JMJD1C: variants seen among roughly 807,000 people sequenced by gnomAD.
JMJD1C encodes jumonji domain containing 1C, also known as jumonji domain-containing protein 1C.
JMJD1C carries 31 observed loss-of-function variants against 245.3 expected under a neutral mutation model. That is an observed-to-expected ratio of 0.13 (90% CI 0.09 to 0.17). The LOEUF is 0.17. Ranked by LOEUF, JMJD1C falls within the 10% of genes least tolerant of loss-of-function variation. The pLI is 1.00. For missense variants in JMJD1C, 2,691 were observed against 3,000.2 expected, an observed-to-expected ratio of 0.90 and a Z score of 2.41; for synonymous variants, 1,057 against 1,017.4, an observed-to-expected ratio of 1.04 and a Z score of -0.74.
intron 3 of JMJD1C, among the ~76,000 whole-genome samples, chr10:63,249,383 A>G (rs1852725589): frequency 1.3e-5 from 2 of 152,186 alleles, no homozygotes; most frequent in South Asian, 4.1e-4. Context: ...GGTGGTTACC[A>G]GAGACCTGTT....
chr10:63,241,934 G>A (rs1173000665), intron 3 of JMJD1C, among the ~76,000 whole-genome samples: 1 of 152,176 alleles, frequency 6.6e-6, no homozygotes, highest in Non-Finnish European at 1.5e-5. Context: ...TCTAAGACAA[G>A]AGGAAAGCAG....
intron 2 of JMJD1C, among the ~76,000 whole-genome samples, chr10:63,346,626 T>C (rs556131628): frequency 5.3e-5 from 8 of 152,322 alleles, no homozygotes; most frequent in Admixed American, 3.3e-4. Flanking sequence ...ATACATCACT[T>C]TTCTTTTTCT....
At chr10:63,432,009 T>G (rs1950787003) in intron 1 of JMJD1C, among the ~76,000 whole-genome samples, 1 of 152,176 alleles carries the variant, frequency 6.6e-6, no homozygotes, top group Non-Finnish European at 1.5e-5. Flanking sequence ...AGACTCCGTC[T>G]GAAAAGAAAA....
At chr10:63,512,458 A>G (rs1031634385) in intron 1 of JMJD1C, among the ~76,000 whole-genome samples, 2 of 152,162 alleles carry the variant, frequency 1.3e-5, no homozygotes, top group East Asian at 3.8e-4. Context: ...GTAACACAAC[A>G]TGGCAGGATA....
chr10:63,442,513 T>C (rs1442073424), intron 1 of JMJD1C, among the ~76,000 whole-genome samples: 1 of 152,228 alleles, frequency 6.6e-6, no homozygotes, highest in African/African-American at 2.4e-5. Flanking sequence ...CAGCAGAATG[T>C]TATGTATTTA....
chr10:63,171,997 C>A (rs1842414284), intron 24 of JMJD1C, among the ~76,000 whole-genome samples: 1 of 152,296 alleles, frequency 6.6e-6, no homozygotes, highest in East Asian at 1.9e-4. Context: ...ATCCTTTCAA[C>A]AGAGTATAAA....
chr10:63,224,632 T>C (rs1171529545), intron 3 of JMJD1C, among the ~76,000 whole-genome samples: 1 of 152,200 alleles, frequency 6.6e-6, no homozygotes, highest in Non-Finnish European at 1.5e-5. Context: ...TGCTAAATGT[T>C]AGACAGAAGT....
intron 1 of JMJD1C, among the ~76,000 whole-genome samples, chr10:63,390,169 T>C (rs1255904138): frequency 3.3e-5 from 5 of 151,744 alleles, no homozygotes; most frequent in South Asian, 2.1e-4. Flanking sequence ...GATACCCAAA[T>C]AAACAAAATC....
chr10:63,330,360 T>C (rs544426847), intron 2 of JMJD1C, among the ~76,000 whole-genome samples: 48 of 152,316 alleles, frequency 3.2e-4, no homozygotes, highest in African/African-American at 1.1e-3. Context: ...AGAGAACACA[T>C]GTAAATAATT....
intron 2 of JMJD1C, among the ~76,000 whole-genome samples, chr10:63,325,581 TAA>T (rs1365705292): frequency 6.6e-6 from 1 of 152,292 alleles, no homozygotes; most frequent in African/African-American, 2.4e-5. Context: ...ATCTAGAGCC[TAA>T]AAAGAACTTT....
chr10:63,191,333 CATGTTGGT>C (rs1405644603), intron 16 of JMJD1C, among the ~76,000 whole-genome samples: 2 of 152,094 alleles, frequency 1.3e-5, no homozygotes, highest in East Asian at 3.9e-4. Context: ...GGGGTTTCAT[CATGTTGGT>C]CAGGCTGGTC....
intron 2 of JMJD1C, among the ~76,000 whole-genome samples, chr10:63,345,804 T>A (rs1461418491): frequency 6.6e-6 from 1 of 152,158 alleles, no homozygotes; most frequent in Non-Finnish European, 1.5e-5. Context: ...AAATGAATTT[T>A]AGTGTACACA....
chr10:63,191,179 T>C, intron 16 of JMJD1C, 71 bp from the exon 17 acceptor site: 2 of 1,216,550 alleles, frequency 1.6e-6, no homozygotes, highest in Non-Finnish European at 2.4e-6. Flanking sequence ...TCGCCCAGGC[T>C]GGAGTGCAGT....
intron 1 of JMJD1C, among the ~76,000 whole-genome samples, chr10:63,483,040 T>C (rs1953877704): frequency 6.6e-6 from 1 of 152,224 alleles, no homozygotes; most frequent in African/African-American, 2.4e-5. Context: ...TAAATAATTA[T>C]CATCATAAAG....
At chr10:63,376,521 T>C (rs183104557) in intron 2 of JMJD1C, among the ~76,000 whole-genome samples, 30 of 152,188 alleles carry the variant, frequency 2.0e-4, no homozygotes, top group Admixed American at 5.2e-4. Context: ...CCAAATCATG[T>C]ATCTAAAAGG....
intron 1 of JMJD1C, among the ~76,000 whole-genome samples, chr10:63,432,809 C>T (rs1271445565): frequency 6.6e-6 from 1 of 152,152 alleles, no homozygotes; most frequent in African/African-American, 2.4e-5. Context: ...GTTTATTTTA[C>T]AGAACTTTTA....
At chr10:63,518,324 C>T (rs1214207858) in intron 1 of JMJD1C, among the ~76,000 whole-genome samples, 2 of 152,204 alleles carry the variant, frequency 1.3e-5, no homozygotes, top group African/African-American at 2.4e-5. Flanking sequence ...CCAACTTCTG[C>T]TTTACCACCC....
At chr10:63,220,045 T>C (rs935641321) in intron 3 of JMJD1C, 62 bp from the exon 4 acceptor site, 11 of 1,232,230 alleles carry the variant, frequency 8.9e-6, no homozygotes, top group Non-Finnish European at 1.1e-5. Context: ...TGTTACCGAC[T>C]TTCCCTCCTA....
intron 1 of JMJD1C, among the ~76,000 whole-genome samples, chr10:63,389,311 C>CAAAAAA (rs1185397734): frequency 1.1e-4 from 7 of 64,450 alleles, no homozygotes; most frequent in Admixed American, 3.8e-4. Context: ...GACCCTGTCT[C>CAAAAAA]AAAAAAAAAA....
Sources: gnomAD v4.1 joint callset for allele counts (sites outside exome capture counted in the v4.1 genomes callset) on GRCh38, gnomAD v4.1.1 for gene constraint, MANE v1.5 for transcripts, NCBI Gene and HGNC (gene_info 2026-07-23, HGNC 2026-07-21) for gene names.